The following RIMS1 variants were observed in gnomAD, a reference collection of about 807,000 sequenced individuals.
RIMS1 encodes the protein regulating synaptic membrane exocytosis 1.
Under a neutral mutation model 214.1 loss-of-function variants are expected in RIMS1, and 83 were observed. That is an observed-to-expected ratio of 0.39 (90% confidence interval 0.32 to 0.47). The LOEUF (loss-of-function observed/expected upper bound fraction) is 0.47. Among genes scored for constraint, RIMS1 ranks in the 20% least tolerant of loss-of-function variants. The pLI is 0.99. For synonymous variants in RIMS1, 793 were observed against 786.8 expected (o/e 1.01, Z -0.13); for missense variants, 2,050 against 2,161.8 (o/e 0.95, Z 1.03).
intron 2 of RIMS1, among the ~76,000 whole-genome samples, chr6:72,002,681 G>A (rs1012639827): frequency 3.9e-5 from 6 of 152,312 alleles, no homozygotes; most frequent in South Asian, 2.1e-4. Flanking sequence ...TGTGGAACCC[G>A]CAGAGCTGTG....
At chr6:72,138,709 A>C (rs2041701973) in intron 4 of RIMS1, among the ~76,000 whole-genome samples, 1 of 152,212 alleles carries the variant, frequency 6.6e-6, no homozygotes, top group African/African-American at 2.4e-5. Flanking sequence ...ACATTACAAA[A>C]AATGAAGAAA....
intron 23 of RIMS1, among the ~76,000 whole-genome samples, chr6:72,277,184 T>C (rs1029886568): frequency 6.6e-6 from 1 of 152,222 alleles, no homozygotes; most frequent in Non-Finnish European, 1.5e-5. Flanking sequence ...CACACAATTT[T>C]TAGAGAACCA....
chr6:72,165,075 G>A (rs1164573615), intron 4 of RIMS1, among the ~76,000 whole-genome samples: 8 of 152,022 alleles, frequency 5.3e-5, no homozygotes, highest in Admixed American at 1.3e-4. Flanking sequence ...TTCCTTCTAC[G>A]ACTCCAATTA....
intron 2 of RIMS1, among the ~76,000 whole-genome samples, chr6:72,082,687 G>T (rs936096011): frequency 6.6e-6 from 1 of 152,064 alleles, no homozygotes; most frequent in Non-Finnish European, 1.5e-5. Context: ...GAGTAGGAGC[G>T]GCATATCTTC....
chr6:72,258,820 A>T (rs1046349380), intron 17 of RIMS1, among the ~76,000 whole-genome samples, 166 bp from the exon 18 acceptor site: 1 of 152,192 alleles, frequency 6.6e-6, no homozygotes, highest in Non-Finnish European at 1.5e-5. Flanking sequence ...GCAAAAACTC[A>T]TAGAAAACAA....
At chr6:72,380,729 T>A (rs2815744) in intron 29 of RIMS1, among the ~76,000 whole-genome samples, 7 of 152,106 alleles carry the variant, frequency 4.6e-5, no homozygotes, top group Non-Finnish European at 7.3e-5. Flanking sequence ...ATAGGGTCTC[T>A]CTGTGTTGCC....
chr6:72,004,232 G>T (rs1481018813), intron 2 of RIMS1, among the ~76,000 whole-genome samples: 1 of 151,544 alleles, frequency 6.6e-6, no homozygotes, highest in African/African-American at 2.4e-5. Context: ...GTATTCCATG[G>T]TGTATATGTG....
intron 1 of RIMS1, among the ~76,000 whole-genome samples, chr6:71,939,131 A>G (rs903333479): frequency 2.0e-4 from 30 of 152,206 alleles, no homozygotes; most frequent in African/African-American, 7.0e-4. Flanking sequence ...CAGTTATGCC[A>G]AATTCTTTGC....
chr6:72,082,949 A>C (rs1179243849), intron 2 of RIMS1, among the ~76,000 whole-genome samples: 1 of 152,192 alleles, frequency 6.6e-6, no homozygotes. Flanking sequence ...TTATAGGACC[A>C]TTGATGTTTT....
Position 72,297,246 on chromosome 6 carries a change from G to T in RIMS1, c.3850+5200G>T, listed in dbSNP as rs2094186641. 2.6e-5 allele frequency among the ~76,000 whole-genome samples: 4 copies of T among 151,848 alleles called. No homozygotes were observed. The Admixed American group carries it at 2.6e-4, about 10-fold the overall frequency. ...GCCATCTTGCTGCATTTTTATGTCA[G>T]ATATTGAAAACACAACATTAGATTC... On this transcript the variant is annotated intron_variant, in intron 26 of 33. Transcript: ENST00000521978.
At chr6:72,250,873 G>T in intron 13 of RIMS1, 48 bp from the exon 14 acceptor site, 1 of 1,052,860 alleles carries the variant, frequency 9.5e-7, no homozygotes, top group Non-Finnish European at 1.4e-6. Context: ...TACAGTAGAT[G>T]GCAGCATGTA....
At chr6:71,902,295 T>A (rs1474456004) in intron 1 of RIMS1, among the ~76,000 whole-genome samples, 1 of 151,996 alleles carries the variant, frequency 6.6e-6, no homozygotes, top group Non-Finnish European at 1.5e-5. Flanking sequence ...ATAGTTGAGT[T>A]GGGGAGCAAG....
chr6:71,976,393 A>G (rs1325951468), intron 2 of RIMS1, among the ~76,000 whole-genome samples: 1 of 152,140 alleles, frequency 6.6e-6, no homozygotes, highest in Non-Finnish European at 1.5e-5. Context: ...TTCCGTTTTA[A>G]GAATAAAATT....
chr6:72,050,408 T>C (rs1180193452), intron 2 of RIMS1, among the ~76,000 whole-genome samples: 1 of 152,184 alleles, frequency 6.6e-6, no homozygotes, highest in Non-Finnish European at 1.5e-5. Flanking sequence ...TTAGTAAAAA[T>C]AAGCTGGTAT....
rs192116200 is a variant in RIMS1 at position 72,142,208 on chromosome 6, C to A, written c.472-37367C>A. ...GCAGAAAAAAAAATCATTGGGTTAA[C>A]CATTATTGTCCTCCCTTTATAGGAG... On this transcript the variant is annotated intron_variant, in intron 4 of 33. Transcript: ENST00000521978. 2.5e-3 allele frequency among the ~76,000 whole-genome samples: 382 copies of A among 151,922 alleles called. 2 individuals are homozygous for A. Among genetic ancestry groups the A allele is most frequent in the African/African-American group, 8.6e-3 (355 of 41,488 alleles).
chr6:72,254,005 A>G (rs1041843299), intron 16 of RIMS1, among the ~76,000 whole-genome samples: 7 of 152,154 alleles, frequency 4.6e-5, no homozygotes, highest in Non-Finnish European at 8.8e-5. Flanking sequence ...AGCTGGGACT[A>G]CAGGTGTGCA....
Position 72,258,248 on chromosome 6 carries a change from C to T in RIMS1, c.2894C>T (p.Pro965Leu), listed in dbSNP as rs752875047. The T allele has an allele frequency of 1.5e-4, 243 of 1,613,190 alleles. No individual in the cohort carries two copies. The highest frequency in any genetic ancestry group is 1.9e-4 in the Non-Finnish European group (228 of 1,179,532). Residue 965 changes from proline to leucine, a missense_variant, in exon 17 of 34, where the codon CCG (proline) becomes CTG (leucine). Pro to Leu is a moderately conservative substitution (Grantham distance 98, BLOSUM62 -3). Coordinates refer to ENST00000521978, the MANE Select transcript of RIMS1 (RefSeq NM_014989.7). ...CATCGCGGCAATGATCAGGGAAAGC[C>T]GCGTTCACGTTTACCAAATGTGCCA... The part of the protein sequence containing the change: ...SPHRGNDQGK[P>L]RSRLPNVPLQ...
chr6:72,183,680 T>A (rs1456713026), intron 6 of RIMS1, among the ~76,000 whole-genome samples: 2 of 152,048 alleles, frequency 1.3e-5, no homozygotes, highest in Admixed American at 1.3e-4. Flanking sequence ...TATATATGGA[T>A]GTTTTTTCAA....
intron 4 of RIMS1, chr6:72,126,592 T>A (rs1027732986): frequency 7.2e-5 from 12 of 167,040 alleles, no homozygotes; most frequent in African/African-American, 2.1e-4. Context: ...AAAAAAAAAA[T>A]AATTCCATCA....
Sources: gnomAD v4.1 joint callset for allele counts (sites outside exome capture counted in the v4.1 genomes callset) on GRCh38, gnomAD v4.1.1 for gene constraint, MANE v1.5 for transcripts, NCBI Gene and HGNC (gene_info 2026-07-23, HGNC 2026-07-21) for gene names.